COG1: variants seen among roughly 807,000 people sequenced by gnomAD.
COG1 encodes conserved oligomeric Golgi complex subunit 1.
A neutral mutation model predicts 102.2 loss-of-function variants in COG1; 61 were observed. The observed-to-expected ratio is 0.60, with a 90% CI of 0.49 to 0.74. The LOEUF (loss-of-function observed/expected upper bound fraction) is 0.74. Among genes scored for constraint, COG1 ranks in the 30% least tolerant of loss-of-function variants. The pLI, the probability that COG1 is intolerant of heterozygous loss-of-function variation, is 0.00. For missense variants in COG1, 1,164 were observed against 1,232.1 expected (o/e 0.94, Z 0.83); for synonymous variants, 454 against 493.6 (o/e 0.92, Z 1.06).
At chr17:73,207,150 T>G (rs766539753) in intron 12 of COG1, 31 bp from the exon 13 acceptor site, 1 of 1,582,510 alleles carries the variant, frequency 6.3e-7, no homozygotes, top group Non-Finnish European at 8.7e-7. Flanking sequence ...TGCCTGTTTG[T>G]GCTACTAAAT....
In COG1 at chr17:73,201,610, G is replaced by A; in HGVS notation, c.1783G>A (p.Gly595Ser). The change falls in exon 7 of 14, where the codon GGT (glycine) becomes AGT (serine). Residue 595 changes from glycine to serine, a missense_variant. Physicochemically the swap from Gly to Ser is moderately conservative, Grantham distance 56. Coordinates refer to ENST00000299886, the MANE Select transcript of COG1 (RefSeq NM_018714.3). ...GGCAGAGCTACAGAGCATTGAAGAG[G>A]GTGTGCAAGGGCAACAGGATGCCCT... ...IRAELQSIEE[G>S]VQGQQDALNS... is the part of the protein sequence containing the mutation. The A allele has an allele frequency of 6.2e-7, 1 of 1,614,186 alleles. No individual in the cohort carries two copies. Among genetic ancestry groups the A allele is most frequent in the Non-Finnish European group, 8.5e-7 (1 of 1,180,030 alleles).
In COG1 at chr17:73,207,786, A is replaced by C. The variant is rs1051137683; in HGVS notation, c.2806-528A>C. The stretch of plus-strand genomic sequence containing the variant: ...TGCATGTGTGTTTGAAAGCTCAAAC[A>C]GCTTGTCTTCTTACAGCATCGAGTT... On this transcript the variant is annotated intron_variant, in intron 13 of 13. Coordinates refer to ENST00000299886, the MANE Select transcript of COG1 (RefSeq NM_018714.3). 2.3e-6 allele frequency: 3 copies of C among 1,288,306 alleles called. No individual in the cohort carries two copies. The African/African-American group carries it at 4.6e-5, about 20-fold the overall frequency. 79.8% of individuals were successfully genotyped at this position (1,288,306 alleles called of 1,614,324 possible).
At chr17:73,203,951 G>A (rs2061357688) in intron 9 of COG1, among the ~76,000 whole-genome samples, 158 bp downstream of exon 9, 1 of 152,164 alleles carries the variant, frequency 6.6e-6, no homozygotes, top group Non-Finnish European at 1.5e-5. Context: ...CTTAGGAGTA[G>A]CACCCAGCGC....
At chr17:73,198,415 C>G (rs1278880023) in intron 4 of COG1, among the ~76,000 whole-genome samples, 1 of 152,064 alleles carries the variant, frequency 6.6e-6, no homozygotes, top group Non-Finnish European at 1.5e-5. Flanking sequence ...TAGTGAGACC[C>G]CATCTCTACA....
intron 4 of COG1, among the ~76,000 whole-genome samples, chr17:73,198,559 C>G (rs1458563391): frequency 2.0e-5 from 3 of 152,142 alleles, no homozygotes; most frequent in African/African-American, 7.2e-5. Context: ...GCTTTCCTGC[C>G]TGGGTGACAG....
chr17:73,208,027 T>C, intron 13 of COG1: 1 of 1,333,930 alleles, frequency 7.5e-7, no homozygotes, highest in Non-Finnish European at 9.6e-7. Flanking sequence ...GCAGTGATCT[T>C]TCAGTTCTGC....
rs1336815417 is a variant in COG1, at chr17:73,205,453, A to C, written c.2383-100A>C. On this transcript the variant is annotated intron_variant, in intron 9 of 13. Coordinates refer to ENST00000299886, the MANE Select transcript of COG1 (RefSeq NM_018714.3). ...TGAGCATTAAAACCATCTGCTTCTG[A>C]AATAGCAAGCTGAAACTCAACCAAA... The C allele has an allele frequency of 1.0e-5, 13 of 1,288,106 alleles. No individual in the cohort carries two copies. In the East Asian group the frequency reaches 2.3e-4, roughly 23 times the overall value. The allele number at this position is 1,288,106 out of a possible 1,614,324, so 79.8% of individuals were successfully genotyped here. A position where few individuals can be genotyped will look rare whatever the true frequency, so the allele number is the denominator to read the frequency against.
chr17:73,196,723 C>T lies in COG1; in HGVS notation c.532C>T (p.Arg178Trp), dbSNP rs758510146. 6.8e-6 allele frequency: 11 copies of T among 1,613,850 alleles called. No individual in the cohort carries two copies. The highest frequency in any genetic ancestry group is 3.3e-5 in the South Asian group (3 of 91,082). ...CCTCTCCCGGTTTCCTATACTCATC[C>T]GGCAGGTGGCAGCCGCCAGCCACTT... ...PVLSRFPILI[R>W]QVAAASHFRS... Residue 178 changes from arginine (R) to tryptophan (W), a missense_variant, in exon 2 of 14, where the codon CGG becomes TGG. By Grantham distance (101) the Arg-to-Trp change is moderately radical (BLOSUM62 -3). Transcript: ENST00000299886.
In COG1 at chr17:73,203,741, T is replaced by G. The variant is rs201004239; in HGVS notation, c.2330T>G (p.Met777Arg). ...VTLQEMLKSC[M>R]VQVVAAYEKL... Reference sequence around the variant, plus strand: ...TTACAGGAGATGCTGAAAAGCTGTATGGTTCAAGTAGTAGCTGCCTATGAG... The same window carrying G: ...TTACAGGAGATGCTGAAAAGCTGTAGGGTTCAAGTAGTAGCTGCCTATGAG... Residue 777 changes from methionine to arginine, a missense_variant, in exon 9 of 14, where the codon ATG becomes AGG. Met to Arg is a moderately conservative substitution (Grantham distance 91). Coordinates refer to ENST00000299886, the MANE Select transcript of COG1 (RefSeq NM_018714.3). The G allele has an allele frequency of 6.2e-7, 1 of 1,614,226 alleles. No individual in the cohort carries two copies. Among genetic ancestry groups the G allele is most frequent in the Admixed American group, 1.7e-5 (1 of 60,022 alleles).
chr17:73,198,039 T>C (rs186924928), intron 4 of COG1, among the ~76,000 whole-genome samples: 38 of 135,244 alleles, frequency 2.8e-4, no homozygotes, highest in Admixed American at 2.7e-3. Flanking sequence ...GCAACTGAAA[T>C]GAAATAAATG....
In COG1 at chr17:73,197,019, T is replaced by G; in HGVS notation, c.680T>G (p.Leu227Arg). The change falls in exon 3 of 14, where the codon CTC (leucine) becomes CGC (arginine). Residue 227 changes from leucine to arginine, a missense_variant. By Grantham distance (102) the Leu-to-Arg change is moderately radical. Coordinates refer to ENST00000299886, the MANE Select transcript of COG1 (RefSeq NM_018714.3). ...GAAGAGAGTTCTCCTCGCCAAGCCCTCACAGACTTCCTGCTGGCCAGAAAG... is the reference window on the plus strand; with the variant it reads ...GAAGAGAGTTCTCCTCGCCAAGCCCGCACAGACTTCCTGCTGGCCAGAAAG... ...LLEESSPRQA[L>R]TDFLLARKAT... 1 of 1,614,212 alleles carries G rather than the reference T, an allele frequency of 6.2e-7. No homozygotes were observed. Among genetic ancestry groups the G allele is most frequent in the Non-Finnish European group, 8.5e-7 (1 of 1,180,038 alleles).
intron 1 of COG1, among the ~76,000 whole-genome samples, chr17:73,195,212 T>G (rs1427887067): frequency 2.0e-5 from 3 of 152,174 alleles, no homozygotes; most frequent in Non-Finnish European, 4.4e-5. Flanking sequence ...TTTGAGTGTC[T>G]TCTTCGTTCA....
At chr17:73,203,204 G>T in intron 8 of COG1, 58 bp downstream of exon 8, 2 of 1,594,088 alleles carry the variant, frequency 1.3e-6, no homozygotes, top group South Asian at 2.2e-5. Context: ...AAAGAAGAAA[G>T]ATTTTAGAAA....
chr17:73,194,152 A>ATTTTTTTTTTT (rs1257232460), intron 1 of COG1, among the ~76,000 whole-genome samples: 8 of 147,328 alleles, frequency 5.4e-5, no homozygotes, highest in African/African-American at 7.4e-5. Context: ...TTCCTAAAGA[A>ATTTTTTTTTTT]TTTTTATTGG....
In COG1 at chr17:73,199,939, G is replaced by A. The variant is rs779924491; in HGVS notation, c.988G>A (p.Glu330Lys). The change falls in exon 5 of 14, where the codon GAG becomes AAG. Residue 330 changes from glutamate (E) to lysine (K), a missense_variant. Coordinates refer to ENST00000299886, the MANE Select transcript of COG1 (RefSeq NM_018714.3). ...WFKHLPASIV[E>K]FQPTLRTLAH... is the part of the protein sequence containing the mutation. ...TAAACACCTGCCAGCATCCATCGTC[G>A]AGTTCCAGCCAACACTCCGAACCCT... The A allele has an allele frequency of 1.1e-5, 18 of 1,614,012 alleles. No individual in the cohort carries two copies. Among genetic ancestry groups the A allele is most frequent in the Admixed American group, 3.3e-5 (2 of 59,974 alleles).
In COG1 at chr17:73,193,073, G is replaced by A. The variant is rs769259757; in HGVS notation, c.4G>A (p.Ala2Thr). 6.3e-7 allele frequency: 1 copy of A among 1,595,284 alleles called. No individual in the cohort carries two copies. Residue 2 changes from alanine (A) to threonine (T), a missense_variant, in exon 1 of 14, where the codon GCC becomes ACC. Physicochemically the swap from Ala to Thr is moderately conservative, Grantham distance 58 (BLOSUM62 0). Transcript: ENST00000299886. M[A>T]TAATSPALKR... Reference sequence around the variant, plus strand: ...GCCGGGGGCTGACGAGTGCACCATGGCCACCGCGGCAACCTCACCCGCGCT... The same window carrying A: ...GCCGGGGGCTGACGAGTGCACCATGACCACCGCGGCAACCTCACCCGCGCT...
chr17:73,207,091 T>TAAA, intron 12 of COG1, 90 bp from the exon 13 acceptor site: 1 of 575,488 alleles, frequency 1.7e-6, no homozygotes, highest in Non-Finnish European at 2.6e-6. Context: ...AGACTCTGTC[T>TAAA]CAAAAAAAAA....
intron 4 of COG1, 29 bp downstream of exon 4, chr17:73,197,425 C>G (rs1315011722): frequency 1.2e-6 from 2 of 1,611,360 alleles, no homozygotes; most frequent in Non-Finnish European, 1.7e-6. Context: ...TTTTTAAATT[C>G]TGGTTCACTC....
chr17:73,199,746 T>A (rs1406600826), intron 4 of COG1, 119 bp from the exon 5 acceptor site: 1 of 1,205,844 alleles, frequency 8.3e-7, no homozygotes, highest in Non-Finnish European at 1.2e-6. Context: ...GGCAAATTGT[T>A]TCTTTTTTGT....
Sources: gnomAD v4.1 joint callset for allele counts (sites outside exome capture counted in the v4.1 genomes callset) on GRCh38, gnomAD v4.1.1 for gene constraint, MANE v1.5 for transcripts, NCBI Gene and HGNC (gene_info 2026-07-23, HGNC 2026-07-21) for gene names.